The following LRRC7 variants were observed in gnomAD, a reference collection of about 807,000 sequenced individuals.
LRRC7 encodes the protein leucine rich repeat containing 7, also known as leucine-rich repeat-containing protein 7.
In LRRC7, 23 loss-of-function variants were observed where a neutral mutation model predicts 175.7. The ratio of observed to expected loss-of-function variants is 0.13; its 90% CI spans 0.09 to 0.19. The LOEUF (loss-of-function observed/expected upper bound fraction) is 0.19. Ranked by LOEUF, LRRC7 falls within the 10% of genes least tolerant of loss-of-function variation. LRRC7 has a pLI of 1.00. For missense variants in LRRC7, 1,354 were observed against 1,904.7 expected, an observed-to-expected ratio of 0.71 and a Z score of 5.38; for synonymous variants, 685 against 680.9, an observed-to-expected ratio of 1.01 and a Z score of -0.09.
intron 7 of LRRC7, among the ~76,000 whole-genome samples, chr1:69,914,591 A>G (rs896640910): frequency 6.6e-6 from 1 of 152,192 alleles, no homozygotes; most frequent in Non-Finnish European, 1.5e-5. Flanking sequence ...TAATACACAA[A>G]TATAAATAGT....
intron 1 of LRRC7, among the ~76,000 whole-genome samples, chr1:69,637,888 G>C (rs923223092): frequency 6.6e-6 from 1 of 151,810 alleles, no homozygotes; most frequent in Admixed American, 6.6e-5. Flanking sequence ...GCCACCTTGA[G>C]ATAATCTTAG....
rs1667198283 is a variant in LRRC7 at position 70,143,982 on chromosome 1, G to GGTT, written c.*22096_*22098dup. On this transcript the variant is annotated 3_prime_UTR_variant, in exon 27 of 27. Coordinates refer to ENST00000651989, the MANE Select transcript of LRRC7 (RefSeq NM_001370785.2). ...AACATAGATCGTGAATGTACTTACT[G>GGTT]GTTTTTTTGCAGTATGAGACCATAA... 6.6e-6 allele frequency: 1 copy of GGTT among 152,096 alleles called. No individual in the cohort carries two copies. Among genetic ancestry groups the GGTT allele is most frequent in the Non-Finnish European group, 1.5e-5 (1 of 68,012 alleles). 9.4% of individuals were successfully genotyped at this position (152,096 alleles called of 1,614,324 possible).
chr1:69,830,508 A>G (rs561659948), intron 5 of LRRC7, among the ~76,000 whole-genome samples: 1 of 151,894 alleles, frequency 6.6e-6, no homozygotes, highest in Non-Finnish European at 1.5e-5. Context: ...TCAAAGTACA[A>G]TAATGGACAG....
At chr1:70,088,217 A>G (rs1233893164) in intron 24 of LRRC7, among the ~76,000 whole-genome samples, 1 of 152,132 alleles carries the variant, frequency 6.6e-6, no homozygotes, top group Non-Finnish European at 1.5e-5. Context: ...TTTGCCTGCT[A>G]ACCTTTGGTA....
intron 2 of LRRC7, among the ~76,000 whole-genome samples, chr1:69,682,773 A>C (rs1049063364): frequency 8.2e-6 from 1 of 121,378 alleles, no homozygotes; most frequent in Non-Finnish European, 1.9e-5. Context: ...TAAGAAAGAG[A>C]TCATCTAATG....
At chr1:70,109,077 A>G (rs987184280) in intron 26 of LRRC7, among the ~76,000 whole-genome samples, 1 of 152,032 alleles carries the variant, frequency 6.6e-6, no homozygotes, top group African/African-American at 2.4e-5. Context: ...GCTGGAGTGC[A>G]ATGGCACGAT....
At chr1:69,869,035 C>T (rs1000446302) in intron 7 of LRRC7, among the ~76,000 whole-genome samples, 8 of 151,896 alleles carry the variant, frequency 5.3e-5, no homozygotes, top group African/African-American at 1.9e-4. Flanking sequence ...AATACCTTAT[C>T]TTCAATATAG....
intron 7 of LRRC7, among the ~76,000 whole-genome samples, chr1:69,888,221 C>A (rs1645712931): frequency 1.3e-5 from 2 of 152,120 alleles, no homozygotes; most frequent in Non-Finnish European, 2.9e-5. Context: ...CCCAGCCTCA[C>A]TGCCTCCTTG....
At chr1:69,943,949 A>AACACACACACACACAC (rs55900412) in intron 8 of LRRC7, among the ~76,000 whole-genome samples, 3 of 145,502 alleles carry the variant, frequency 2.1e-5, no homozygotes, top group East Asian at 4.0e-4. Context: ...TATCATGGTA[A>AACACACACACACACAC]ACACACACAC....
At chr1:70,116,913 C>T (rs772191925) in intron 26 of LRRC7, among the ~76,000 whole-genome samples, 3 of 152,160 alleles carry the variant, frequency 2.0e-5, no homozygotes, top group Admixed American at 6.5e-5. Flanking sequence ...TGCTCTTTCT[C>T]ATAATACCTG....
At chr1:69,651,427 ATTTT>A (rs1460465509) in intron 1 of LRRC7, among the ~76,000 whole-genome samples, 4 of 152,192 alleles carry the variant, frequency 2.6e-5, no homozygotes, top group Non-Finnish European at 4.4e-5. Context: ...AAGAGTTTTC[ATTTT>A]GTCTTGCTGT....
chr1:69,938,690 C>T (rs1173944939), intron 8 of LRRC7, among the ~76,000 whole-genome samples: 2 of 151,992 alleles, frequency 1.3e-5, no homozygotes, highest in East Asian at 3.9e-4. Flanking sequence ...CCAATAGTCT[C>T]ACCTCCCTAG....
Position 70,031,089 on chromosome 1 carries a change from ATGTCACAT to A in LRRC7, c.1995+2728_1995+2735del, listed in dbSNP as rs1385982418. The stretch of plus-strand genomic sequence containing the variant: ...GTTGGACCCTCTGATATCCTCTATC[ATGTCACAT>A]TGTCACATTAAATATAATGAACAGT... On this transcript the variant is annotated intron_variant, in intron 18 of 26. Coordinates refer to ENST00000651989, the MANE Select transcript of LRRC7 (RefSeq NM_001370785.2). The A allele has an allele frequency of 7.9e-5, 12 of 152,316 alleles. No individual in the cohort carries two copies. The South Asian group carries it at 1.0e-3, about 13-fold the overall frequency. 9.4% of individuals were successfully genotyped at this position (152,316 alleles called of 1,614,324 possible).
At chr1:69,920,499 A>G (rs1323470730) in intron 7 of LRRC7, among the ~76,000 whole-genome samples, 1 of 152,180 alleles carries the variant, frequency 6.6e-6, no homozygotes, top group African/African-American at 2.4e-5. Context: ...GATAAGTCCT[A>G]TTACTAATAA....
rs898679853 is a variant in LRRC7, at chr1:70,138,218, C to T, written c.*16331C>T. Reference sequence around the variant, plus strand: ...AAAATGGAGATTGTGCCTTTAAATACTTAATCAAAGGACTCCTGACCTTCA... The same window carrying T: ...AAAATGGAGATTGTGCCTTTAAATATTTAATCAAAGGACTCCTGACCTTCA... On this transcript the variant is annotated 3_prime_UTR_variant, in exon 27 of 27. Transcript: ENST00000651989. The T allele has an allele frequency of 2.6e-5, 4 of 152,074 alleles. No individual in the cohort carries two copies. Among genetic ancestry groups the T allele is most frequent in the African/African-American group, 9.7e-5 (4 of 41,414 alleles). The allele number at this position is 152,074 out of a possible 1,614,324, so 9.4% of individuals were successfully genotyped here. A position where few individuals can be genotyped will look rare whatever the true frequency, so the allele number is the denominator to read the frequency against.
chr1:69,740,528 G>T (rs1668596127), intron 2 of LRRC7, among the ~76,000 whole-genome samples: 1 of 152,054 alleles, frequency 6.6e-6, no homozygotes, highest in African/African-American at 2.4e-5. Context: ...GATTCAGGGG[G>T]ACTCCAGTAC....
At position 70,082,499 on chromosome 1, in the gene LRRC7, T is replaced by C. The variant is rs140725457; in HGVS notation, c.4452+6201T>C. ...ACTCAACATCAGAAATTCTATCAAT[T>C]GACTTTATAAGTTGTGTGCAGTCAT... On this transcript the variant is annotated intron_variant, in intron 24 of 26. Coordinates refer to ENST00000651989, the MANE Select transcript of LRRC7 (RefSeq NM_001370785.2). Among the ~76,000 whole-genome samples the C allele has an allele frequency of 3.8e-3, 586 of 152,284 alleles. 4 individuals are homozygous for C. The highest frequency in any genetic ancestry group is 0.014 in the African/African-American group (564 of 41,564).
chr1:69,701,205 AC>A (rs1663301945), intron 2 of LRRC7, among the ~76,000 whole-genome samples: 1 of 152,150 alleles, frequency 6.6e-6, no homozygotes. Context: ...ACTAAAAAGT[AC>A]CCTAGAAGAA....
chr1:70,044,076 A>C lies in LRRC7; in HGVS notation c.4092A>C (p.Gln1364His), dbSNP rs1423480252. 4 of 1,613,048 alleles carry C rather than the reference A, an allele frequency of 2.5e-6. No homozygotes were observed. Among genetic ancestry groups the C allele is most frequent in the Non-Finnish European group, 3.4e-6 (4 of 1,179,486 alleles). ...AGACTAAGTCTAAATTTGATCATCA[A>C]GAACTACCTCTTCAGAAAGTAAGTA... ...NLQTKSKFDHQELPLQKTPSQ... is the reference protein window; with the variant it reads ...NLQTKSKFDHHELPLQKTPSQ... The change falls in exon 22 of 27, where the codon CAA becomes CAC. Residue 1364 changes from glutamine (Q) to histidine (H), a missense_variant. Coordinates refer to ENST00000651989, the MANE Select transcript of LRRC7 (RefSeq NM_001370785.2).
Sources: allele counts gnomAD v4.1 joint callset (sites outside exome capture counted in the v4.1 genomes callset), GRCh38; gene constraint gnomAD v4.1.1; transcripts MANE v1.5; gene names NCBI Gene and HGNC (gene_info 2026-07-23, HGNC 2026-07-21).